NXPE2: variants seen among roughly 807,000 people sequenced by gnomAD.
The protein encoded by NXPE2 is neurexophilin and PC-esterase domain family member 2.
In NXPE2, 34 loss-of-function variants were observed where a neutral mutation model predicts 34.4. The ratio of observed to expected loss-of-function variants is 0.99; its 90% CI spans 0.75 to 1.31. The LOEUF is 1.31. Among genes scored for constraint, NXPE2 ranks in the 40% most tolerant of loss-of-function variants. The pLI is 0.00. For missense variants in NXPE2, 649 were observed against 672.5 expected, an observed-to-expected ratio of 0.97 and a Z score of 0.39; for synonymous variants, 235 against 231.3, an observed-to-expected ratio of 1.02 and a Z score of -0.15.
chr11:114,527,834 A>G, the NXPE2 span: 2 of 1,603,666 alleles, frequency 1.2e-6, no homozygotes, highest in Non-Finnish European at 1.7e-6. Flanking sequence ...GACAGAGCCA[A>G]CTTACTGTTA....
At chr11:114,766,883 A>G in the NXPE2 span, among the ~76,000 whole-genome samples, 1 of 152,204 alleles carries the variant, frequency 6.6e-6, no homozygotes, top group Non-Finnish European at 1.5e-5. Context: ...GTCAGCAGAA[A>G]CTTAGGAGTT....
At chr11:114,656,908 C>T in the NXPE2 span, among the ~76,000 whole-genome samples, 111 of 152,038 alleles carry the variant, frequency 7.3e-4, no homozygotes, top group Middle Eastern at 0.01. Flanking sequence ...CTGGCTAACA[C>T]GGTGAAACCC....
chr11:114,773,834 C>T, the NXPE2 span, among the ~76,000 whole-genome samples: 2 of 152,218 alleles, frequency 1.3e-5, no homozygotes, highest in East Asian at 1.9e-4. Flanking sequence ...CTCTTGTCTG[C>T]TCCTATCCTC....
At chr11:114,606,924 G>A in the NXPE2 span, among the ~76,000 whole-genome samples, 5 of 151,990 alleles carry the variant, frequency 3.3e-5, no homozygotes, top group African/African-American at 9.6e-5. Context: ...AATAAGTATT[G>A]TCTCATGGGT....
At chr11:114,741,476 C>G in the NXPE2 span, among the ~76,000 whole-genome samples, 1 of 152,030 alleles carries the variant, frequency 6.6e-6, no homozygotes, top group African/African-American at 2.4e-5. Flanking sequence ...TGGTGGTGTC[C>G]TATAAATCCC....
chr11:114,606,134 C>G, the NXPE2 span, among the ~76,000 whole-genome samples: 1 of 151,796 alleles, frequency 6.6e-6, no homozygotes, highest in East Asian at 1.9e-4. Context: ...AGTATTGTCT[C>G]TAGGGTAACC....
the NXPE2 span, among the ~76,000 whole-genome samples, chr11:114,799,167 C>T: frequency 8.3e-4 from 126 of 151,680 alleles, no homozygotes; most frequent in Middle Eastern, 6.8e-3. Context: ...TTCTTTAATT[C>T]CTATTGATAG....
chr11:114,808,722 G>T, the NXPE2 span, among the ~76,000 whole-genome samples: 1 of 151,938 alleles, frequency 6.6e-6, no homozygotes. Context: ...ACCAAAAAAA[G>T]TCCAGGACCA....
the NXPE2 span, among the ~76,000 whole-genome samples, chr11:114,787,020 G>T: frequency 1.3e-5 from 2 of 152,130 alleles, no homozygotes; most frequent in Non-Finnish European, 2.9e-5. Flanking sequence ...CAGAACATCT[G>T]CCTGTCCCCA....
chr11:114,522,015 G>A, the NXPE2 span: 3 of 1,613,760 alleles, frequency 1.9e-6, no homozygotes, highest in South Asian at 2.2e-5. Flanking sequence ...CCAATCACAT[G>A]ATCAGGTGGG....
chr11:114,761,561 C>CTT, the NXPE2 span, among the ~76,000 whole-genome samples: 1,576 of 92,718 alleles, frequency 0.017, 17 homozygotes, highest in Non-Finnish European at 0.02. Context: ...AGCCAAGCCT[C>CTT]TTTTTTTTTT....
At chr11:114,669,575 G>A in the NXPE2 span, among the ~76,000 whole-genome samples, 53 of 152,150 alleles carry the variant, frequency 3.5e-4, no homozygotes, top group African/African-American at 1.2e-3. Flanking sequence ...AGGTTTGATG[G>A]ACTGAGAATA....
chr11:114,615,374 G>A, the NXPE2 span, among the ~76,000 whole-genome samples: 67 of 151,960 alleles, frequency 4.4e-4, no homozygotes, highest in East Asian at 2.1e-3. Flanking sequence ...ACTGTTACCC[G>A]GTGGATAATA....
downstream of NXPE2, among the ~76,000 whole-genome samples, chr11:114,710,488 C>A (rs2135580175): frequency 6.6e-6 from 1 of 152,058 alleles, no homozygotes; most frequent in South Asian, 2.1e-4. Context: ...AATTGTATAA[C>A]CTAGAAGAAA....
chr11:114,572,179 C>T, the NXPE2 span, among the ~76,000 whole-genome samples: 2 of 152,116 alleles, frequency 1.3e-5, no homozygotes, highest in African/African-American at 2.4e-5. Flanking sequence ...GATTAAACCA[C>T]ATCAAGGGAG....
chr11:114,521,911 A>G, the NXPE2 span: 2 of 1,278,662 alleles, frequency 1.6e-6, no homozygotes, highest in Non-Finnish European at 2.2e-6. Context: ...ACTTTACAAT[A>G]CATGTGGGAT....
the NXPE2 span, among the ~76,000 whole-genome samples, chr11:114,774,888 G>C: frequency 2.0e-5 from 3 of 152,208 alleles, no homozygotes; most frequent in African/African-American, 7.2e-5. Context: ...TATGAGGACT[G>C]TGCGCTGGTA....
At chr11:114,728,903 TTAATTTTTA>T in the NXPE2 span, among the ~76,000 whole-genome samples, 1 of 152,140 alleles carries the variant, frequency 6.6e-6, no homozygotes, top group Non-Finnish European at 1.5e-5. Context: ...AATTTATTTT[TTAATTTTTA>T]TAATTTTTAA....
At chr11:114,649,449 A>G in the NXPE2 span, among the ~76,000 whole-genome samples, 12 of 152,224 alleles carry the variant, frequency 7.9e-5, no homozygotes, top group Non-Finnish European at 1.2e-4. Context: ...GAAGGACCTC[A>G]CAACTATTAT....
Sources: gnomAD v4.1 joint callset for allele counts (sites outside exome capture counted in the v4.1 genomes callset) on GRCh38, gnomAD v4.1.1 for gene constraint, MANE v1.5 for transcripts, NCBI Gene and HGNC (gene_info 2026-07-23, HGNC 2026-07-21) for gene names.